ZNF644: variants seen among roughly 807,000 people sequenced by gnomAD.
ZNF644 encodes zinc finger protein 644.
In ZNF644, 20 loss-of-function variants were observed where a neutral mutation model predicts 108.0. The observed-to-expected ratio is 0.19, with a 90% CI of 0.13 to 0.27. ZNF644 has a LOEUF of 0.27. ZNF644 is among the 10% of genes least tolerant of loss of function. The probability of loss-of-function intolerance (pLI) is 1.00; values close to 1 mark genes in which losing one functional copy is unlikely to be tolerated. For synonymous variants in ZNF644, 542 were observed against 539.1 expected (o/e 1.01, Z -0.08); for missense variants, 1,338 against 1,548.9 (o/e 0.86, Z 2.29).
intron 4 of ZNF644, among the ~76,000 whole-genome samples, chr1:90,932,861 G>T (rs1448752577): frequency 1.3e-5 from 2 of 152,126 alleles, no homozygotes; most frequent in Non-Finnish European, 2.9e-5. Flanking sequence ...ACTGGGTGTG[G>T]AAAATAAGAC....
In ZNF644 at chr1:90,939,969, G is replaced by A. The variant is rs1651776024; in HGVS notation, c.1385C>T (p.Ser462Leu). ...ECGRTFRDRN[S>L]LLKHMIIHQE... The stretch of plus-strand genomic sequence containing the variant: ...GTGAATAATCATATGTTTTAGAAGT[G>A]AATTGCGATCTCGAAATGTCCGTCC... The change falls in exon 3 of 6, where the codon TCA (serine) becomes TTA (leucine). Residue 462 changes from serine (S) to leucine (L), a missense_variant. By Grantham distance (145) the Ser-to-Leu change is moderately radical. Coordinates refer to ENST00000337393, the MANE Select transcript of ZNF644 (RefSeq NM_201269.3). 2 of 1,613,874 alleles carry A rather than the reference G, an allele frequency of 1.2e-6. No individual in the cohort carries two copies. Among genetic ancestry groups the A allele is most frequent in the Non-Finnish European group, 1.7e-6 (2 of 1,179,964 alleles).
chr1:90,949,328 T>A (rs974835884), intron 2 of ZNF644, among the ~76,000 whole-genome samples: 6 of 152,068 alleles, frequency 3.9e-5, no homozygotes, highest in African/African-American at 1.4e-4. Context: ...GTATTAAATG[T>A]GAACTCTTGA....
At position 91,004,091 on chromosome 1, in the gene ZNF644, T is replaced by C. The variant is rs539154616; in HGVS notation, c.-18+17899A>G. Among the ~76,000 whole-genome samples, 19 of 152,234 alleles carry C rather than the reference T, an allele frequency of 1.2e-4. No individual in the cohort carries two copies. In the South Asian group the frequency reaches 3.9e-3, roughly 32 times the overall value. ...TGAGACAACATTAAACATCCCATTG[T>C]ATACCTAATAGGAGTTCTACAAAAG... On this transcript the variant is annotated intron_variant, in intron 1 of 5. Transcript: ENST00000337393.
intron 2 of ZNF644, among the ~76,000 whole-genome samples, chr1:90,943,176 T>A (rs1170324266): frequency 6.6e-6 from 1 of 152,156 alleles, no homozygotes; most frequent in Non-Finnish European, 1.5e-5. Context: ...GCGCGGTGGC[T>A]CACTCCTGTA....
intron 1 of ZNF644, among the ~76,000 whole-genome samples, chr1:91,005,152 T>C (rs968690512): frequency 3.3e-5 from 5 of 152,066 alleles, no homozygotes; most frequent in Non-Finnish European, 7.4e-5. Context: ...AGTTATACCA[T>C]GCAGAAAGTA....
chr1:91,006,102 T>TA (rs1659395430), intron 1 of ZNF644, among the ~76,000 whole-genome samples: 1 of 152,190 alleles, frequency 6.6e-6, no homozygotes, highest in Non-Finnish European at 1.5e-5. Context: ...AAAAGAACAC[T>TA]ATGCAACTGT....
At chr1:90,971,651 C>A (rs1655491669) in intron 2 of ZNF644, among the ~76,000 whole-genome samples, 1 of 152,216 alleles carries the variant, frequency 6.6e-6, no homozygotes, top group Non-Finnish European at 1.5e-5. Flanking sequence ...AACTCCTGAT[C>A]TCATGATCCA....
intron 2 of ZNF644, among the ~76,000 whole-genome samples, chr1:90,950,613 C>T (rs1428511723): frequency 1.3e-5 from 2 of 151,632 alleles, no homozygotes; most frequent in Non-Finnish European, 1.5e-5. Flanking sequence ...TTTACAAGTA[C>T]AAAGAAAAAC....
At chr1:90,987,307 C>T (rs1188684993) in intron 1 of ZNF644, among the ~76,000 whole-genome samples, 1 of 126,460 alleles carries the variant, frequency 7.9e-6, no homozygotes, top group Middle Eastern at 4.9e-3. Flanking sequence ...TTTAGCTAGA[C>T]TAAGAAAAAG....
intron 1 of ZNF644, among the ~76,000 whole-genome samples, chr1:90,999,813 A>T (rs1230946590): frequency 2.0e-5 from 3 of 152,178 alleles, no homozygotes; most frequent in Non-Finnish European, 2.9e-5. Context: ...CACAGACACA[A>T]ATAGGCTCAA....
chr1:90,939,110 C>T lies in ZNF644; in HGVS notation c.2244G>A (p.Arg748=), dbSNP rs1455728694. 1.9e-6 allele frequency: 3 copies of T among 1,613,746 alleles called. No homozygotes were observed. Among genetic ancestry groups the T allele is most frequent in the Non-Finnish European group, 1.7e-6 (2 of 1,179,864 alleles). Residue 748 remains arginine, a synonymous_variant, in exon 3 of 6, where the codon AGG becomes AGA. Coordinates refer to ENST00000337393, the MANE Select transcript of ZNF644 (RefSeq NM_201269.3). ...ATGATTCACCTGATTTTTTGATCAT[C>T]CTATAGTTTTCATATTTGTGTCTAT... The part of the protein sequence containing the change: ...YLYRHKYENY[R]MIKKSGESYP...
intron 2 of ZNF644, among the ~76,000 whole-genome samples, chr1:90,979,832 A>G (rs1286157731): frequency 6.6e-6 from 1 of 152,232 alleles, no homozygotes; most frequent in African/African-American, 2.4e-5. Context: ...TAATACCTCC[A>G]CTTGGAAATA....
rs1246360495 is a variant in ZNF644, at chr1:90,937,948, T to C, written c.3225A>G (p.Pro1075=). ...GKTKWDAHKS[P]ICVLNEMMQN... ...GCATCATCTCATTCAGAACACAGAT[T>C]GGAGATTTGTGAGCATCCCATTTCG... Residue 1075 remains proline (P), a synonymous_variant, in exon 4 of 6, where the codon CCA becomes CCG. Coordinates refer to ENST00000337393, the MANE Select transcript of ZNF644 (RefSeq NM_201269.3). 1 of 1,613,362 alleles carries C rather than the reference T, an allele frequency of 6.2e-7. No homozygotes were observed. The highest frequency in any genetic ancestry group is 1.1e-5 in the South Asian group (1 of 91,070).
In ZNF644 at chr1:90,916,694, T is replaced by C; in HGVS notation, c.*104A>G. 7.8e-7 allele frequency: 1 copy of C among 1,284,690 alleles called. No homozygotes were observed. The highest frequency in any genetic ancestry group is 1.1e-6 in the Non-Finnish European group (1 of 903,242). 79.6% of individuals were successfully genotyped at this position (1,284,690 alleles called of 1,614,324 possible). Reference sequence around the variant, plus strand: ...CACTGTAATTCACTTTCCCCCCATTTTCCTGCTTTAGTATTTATAAACAGA... The same window carrying C: ...CACTGTAATTCACTTTCCCCCCATTCTCCTGCTTTAGTATTTATAAACAGA... On this transcript the variant is annotated 3_prime_UTR_variant, in exon 6 of 6. Transcript: ENST00000337393.
At chr1:90,921,893 A>C (rs1176463702) in intron 4 of ZNF644, among the ~76,000 whole-genome samples, 1 of 152,186 alleles carries the variant, frequency 6.6e-6, no homozygotes, top group Non-Finnish European at 1.5e-5. Flanking sequence ...CGACAACAAC[A>C]TGCCAAAGCA....
intron 1 of ZNF644, among the ~76,000 whole-genome samples, chr1:91,001,171 C>T (rs1438243327): frequency 1.3e-5 from 2 of 152,170 alleles, no homozygotes; most frequent in African/African-American, 4.8e-5. Flanking sequence ...GGGACTCCTC[C>T]CTAACTCATT....
At chr1:91,018,234 T>C (rs1660596862) in intron 1 of ZNF644, among the ~76,000 whole-genome samples, 1 of 152,262 alleles carries the variant, frequency 6.6e-6, no homozygotes, top group Admixed American at 6.5e-5. Flanking sequence ...AGTTCCATGA[T>C]TCTCAAATCT....
At chr1:90,971,466 G>T (rs775648563) in intron 2 of ZNF644, among the ~76,000 whole-genome samples, 2 of 152,010 alleles carry the variant, frequency 1.3e-5, no homozygotes, top group Non-Finnish European at 2.9e-5. Context: ...TGTCACCCAG[G>T]CTGAAGTGCA....
rs1557658483 is a variant in ZNF644, at chr1:91,007,220, A to ATTTTTTTTTTTT, written c.-18+14769_-18+14770insAAAAAAAAAAAA. On this transcript the variant is annotated intron_variant, in intron 1 of 5. Coordinates refer to ENST00000337393, the MANE Select transcript of ZNF644 (RefSeq NM_201269.3). ...TTCTTAATTTCTTCCATTTTCTCCC[A>ATTTTTTTTTTTT]TTTTGTTTTTTTTTTTTTTTTTTTT... Among the ~76,000 whole-genome samples, 14 of 30,310 alleles carry ATTTTTTTTTTTT rather than the reference A, an allele frequency of 4.6e-4. 3 individuals are homozygous for ATTTTTTTTTTTT. Among genetic ancestry groups the ATTTTTTTTTTTT allele is most frequent in the Non-Finnish European group, 7.2e-4 (11 of 15,272 alleles). The allele number at this position is 30,310 out of a possible 152,430, so 19.9% of individuals were successfully genotyped here.
Sources: allele counts gnomAD v4.1 joint callset (sites outside exome capture counted in the v4.1 genomes callset), GRCh38; gene constraint gnomAD v4.1.1; transcripts MANE v1.5; gene names NCBI Gene and HGNC (gene_info 2026-07-23, HGNC 2026-07-21).